CLSTN2: variants seen among roughly 807,000 people sequenced by gnomAD.
CLSTN2 encodes calsyntenin-2.
A neutral mutation model predicts 101.2 loss-of-function variants in CLSTN2; 48 were observed. The ratio of observed to expected loss-of-function variants is 0.47; its 90% CI spans 0.38 to 0.60. The LOEUF is 0.60. Among genes scored for constraint, CLSTN2 ranks in the 20% least tolerant of loss-of-function variants. CLSTN2 has a pLI of 0.00. For synonymous variants in CLSTN2, 481 were observed against 463.6 expected, an observed-to-expected ratio of 1.04 and a Z score of -0.48; for missense variants, 1,160 against 1,238.2, an observed-to-expected ratio of 0.94 and a Z score of 0.95.
chr3:140,279,615 C>G (rs1167368158), intron 2 of CLSTN2, among the ~76,000 whole-genome samples: 1 of 152,184 alleles, frequency 6.6e-6, no homozygotes, highest in Non-Finnish European at 1.5e-5. Flanking sequence ...CAGGCCCTAA[C>G]AGGGAGAAAT....
chr3:140,259,002 G>T (rs760209138), intron 2 of CLSTN2, among the ~76,000 whole-genome samples: 6 of 152,142 alleles, frequency 3.9e-5, no homozygotes, highest in Non-Finnish European at 8.8e-5. Flanking sequence ...GCAATACATG[G>T]ACATATTTTT....
At chr3:139,945,690 C>T (rs1205279169) in intron 1 of CLSTN2, among the ~76,000 whole-genome samples, 5 of 152,112 alleles carry the variant, frequency 3.3e-5, no homozygotes, top group Non-Finnish European at 7.4e-5. Flanking sequence ...TGTTGTTTTC[C>T]AATTTGCGTG....
At chr3:140,283,871 G>A (rs1479463553) in intron 2 of CLSTN2, among the ~76,000 whole-genome samples, 5 of 152,138 alleles carry the variant, frequency 3.3e-5, no homozygotes, top group African/African-American at 9.7e-5. Flanking sequence ...TGGGTGTGTG[G>A]CATTTAAGTT....
At chr3:140,046,628 G>A (rs1052193883) in intron 1 of CLSTN2, among the ~76,000 whole-genome samples, 3 of 150,388 alleles carry the variant, frequency 2.0e-5, no homozygotes, top group African/African-American at 7.5e-5. Context: ...TTACAATTTG[G>A]CATGTTTTTG....
chr3:140,451,474 G>T (rs929035113), intron 6 of CLSTN2, among the ~76,000 whole-genome samples: 1 of 152,062 alleles, frequency 6.6e-6, no homozygotes, highest in Non-Finnish European at 1.5e-5. Flanking sequence ...TCTCTCCATG[G>T]CACTGCCCCC....
chr3:140,221,392 C>T (rs150810941), intron 2 of CLSTN2, among the ~76,000 whole-genome samples: 3 of 152,124 alleles, frequency 2.0e-5, no homozygotes, highest in Admixed American at 1.3e-4. Context: ...ATAAATTACA[C>T]ACACCATATT....
At chr3:140,548,322 C>T (rs771756127) in intron 10 of CLSTN2, among the ~76,000 whole-genome samples, 1 of 152,366 alleles carries the variant, frequency 6.6e-6, no homozygotes, top group Middle Eastern at 3.4e-3. Context: ...CTGAGGGTCT[C>T]CCAAGTACCA....
intron 6 of CLSTN2, among the ~76,000 whole-genome samples, chr3:140,449,079 C>G (rs3762728): frequency 6.6e-6 from 1 of 152,308 alleles, no homozygotes; most frequent in East Asian, 1.9e-4. Context: ...TCAGACCAGA[C>G]CCAGTATGAA....
chr3:140,554,816 G>T (rs551439927), intron 10 of CLSTN2, among the ~76,000 whole-genome samples: 1 of 152,260 alleles, frequency 6.6e-6, no homozygotes, highest in East Asian at 1.9e-4. Context: ...GAATAAGGAA[G>T]CTTGTCATGT....
chr3:139,941,749 C>T (rs1322236941), intron 1 of CLSTN2, among the ~76,000 whole-genome samples: 3 of 152,156 alleles, frequency 2.0e-5, no homozygotes, highest in African/African-American at 7.2e-5. Context: ...GAGTGATTGG[C>T]ACACAGGCAC....
At chr3:140,378,804 T>A (rs1264745118) in intron 2 of CLSTN2, among the ~76,000 whole-genome samples, 1 of 152,296 alleles carries the variant, frequency 6.6e-6, no homozygotes, top group East Asian at 1.9e-4. Context: ...TAAAATGTGG[T>A]AAAAATAGCT....
At chr3:140,183,229 G>T (rs980780828) in intron 2 of CLSTN2, among the ~76,000 whole-genome samples, 3 of 152,150 alleles carry the variant, frequency 2.0e-5, no homozygotes, top group African/African-American at 4.8e-5. Context: ...ACAATCAGTG[G>T]ATACTTTTGG....
At chr3:140,497,425 G>A (rs935230196) in intron 8 of CLSTN2, among the ~76,000 whole-genome samples, 2 of 152,194 alleles carry the variant, frequency 1.3e-5, no homozygotes, top group African/African-American at 4.8e-5. Context: ...TCTGTGCTGT[G>A]CTATGGGGGA....
intron 2 of CLSTN2, among the ~76,000 whole-genome samples, chr3:140,226,596 A>G (rs2086322413): frequency 6.6e-6 from 1 of 152,192 alleles, no homozygotes; most frequent in Admixed American, 6.5e-5. Context: ...AATGTTGGAA[A>G]AAAGATGTTA....
At chr3:140,470,720 T>C (rs1027240122) in intron 8 of CLSTN2, among the ~76,000 whole-genome samples, 3 of 152,180 alleles carry the variant, frequency 2.0e-5, no homozygotes, top group Non-Finnish European at 2.9e-5. Context: ...TGGGCAAATA[T>C]AGGGAATTCT....
chr3:140,224,690 A>T (rs2086303556), intron 2 of CLSTN2, among the ~76,000 whole-genome samples: 1 of 152,164 alleles, frequency 6.6e-6, no homozygotes, highest in Admixed American at 6.5e-5. Context: ...AATAATATAG[A>T]CCTTCTGTGC....
In CLSTN2 at chr3:140,186,149, G is replaced by A. The variant is rs148613281; in HGVS notation, c.232+10076G>A. 4.5e-3 allele frequency among the ~76,000 whole-genome samples: 687 copies of A among 152,184 alleles called. 5 individuals are homozygous for A. Among genetic ancestry groups the A allele is most frequent in the African/African-American group, 0.016 (655 of 41,520 alleles). On this transcript the variant is annotated intron_variant, in intron 2 of 16. Coordinates refer to ENST00000458420, the MANE Select transcript of CLSTN2 (RefSeq NM_022131.3). The stretch of plus-strand genomic sequence containing the variant: ...GGGAATTTAAAACATTGAGGAAATC[G>A]TCTTTTAAAAAGACATAACTGGCAA...
At chr3:139,995,893 A>G (rs1359007181) in intron 1 of CLSTN2, among the ~76,000 whole-genome samples, 2 of 152,242 alleles carry the variant, frequency 1.3e-5, no homozygotes, top group Non-Finnish European at 2.9e-5. Flanking sequence ...GACCTCGGGT[A>G]TATTGAATTG....
intron 8 of CLSTN2, among the ~76,000 whole-genome samples, chr3:140,480,766 A>G (rs904422459): frequency 1.3e-5 from 2 of 152,124 alleles, no homozygotes; most frequent in African/African-American, 2.4e-5. Flanking sequence ...GTCTGTTCAT[A>G]TCCTTCACCC....
Sources: allele counts gnomAD v4.1 joint callset (sites outside exome capture counted in the v4.1 genomes callset), GRCh38; gene constraint gnomAD v4.1.1; transcripts MANE v1.5; gene names NCBI Gene and HGNC (gene_info 2026-07-23, HGNC 2026-07-21).